Variants in HDHD2 observed in about 807,000 individuals in gnomAD.
The protein encoded by HDHD2 is haloacid dehalogenase-like hydrolase domain-containing protein 2.
Under a neutral mutation model 24.8 loss-of-function variants are expected in HDHD2, and 26 were observed. The observed-to-expected ratio is 1.05, with a 90% confidence interval of 0.77 to 1.45. The LOEUF (loss-of-function observed/expected upper bound fraction) is 1.45. Among genes scored for constraint, HDHD2 ranks in the 40% most tolerant of loss-of-function variants. The pLI is 0.00. For synonymous variants in HDHD2, 128 were observed against 114.9 expected, an observed-to-expected ratio of 1.11 and a Z score of -0.73; for missense variants, 299 against 313.4, an observed-to-expected ratio of 0.95 and a Z score of 0.35.
intron 1 of HDHD2, among the ~76,000 whole-genome samples, chr18:47,142,753 C>A (rs1216963709): frequency 2.0e-5 from 3 of 152,072 alleles, no homozygotes. Context: ...GCTCTCGAAC[C>A]ACCCCTCACC....
intron 4 of HDHD2, among the ~76,000 whole-genome samples, chr18:47,117,432 C>T (rs2063566743): frequency 6.6e-6 from 1 of 152,138 alleles, no homozygotes; most frequent in South Asian, 2.1e-4. Flanking sequence ...GTTTGGCCCC[C>T]TTCCCTCTCT....
At chr18:47,139,464 C>CAAAAAA (rs760347919) in intron 1 of HDHD2, among the ~76,000 whole-genome samples, 1 of 50,480 alleles carries the variant, frequency 2.0e-5, no homozygotes, top group Non-Finnish European at 3.6e-5. Flanking sequence ...GACTCTGTCT[C>CAAAAAA]AAAAAAAAAA....
At position 47,107,602 on chromosome 18, in the gene HDHD2, T is replaced by C. The variant is rs1228074047; in HGVS notation, c.*1080A>G. The C allele has an allele frequency of 6.6e-6, 1 of 152,472 alleles. No homozygotes were observed. The highest frequency in any genetic ancestry group is 1.9e-4 in the East Asian group (1 of 5,202). The allele number at this position is 152,472 out of a possible 1,614,324, so 9.4% of individuals were successfully genotyped here. On this transcript the variant is annotated 3_prime_UTR_variant, in exon 7 of 7. Coordinates refer to ENST00000300605, the MANE Select transcript of HDHD2 (RefSeq NM_032124.5). ...AGAACTATTGCAAGGCCCAGGATTATCACAGTATGCAAATGCACTAGGAAA... is the reference window on the plus strand; with the variant it reads ...AGAACTATTGCAAGGCCCAGGATTACCACAGTATGCAAATGCACTAGGAAA...
chr18:47,130,437 T>C, intron 3 of HDHD2, 109 bp from the exon 4 acceptor site: 1 of 691,358 alleles, frequency 1.4e-6, no homozygotes. Context: ...GTATCCATAA[T>C]TTAAAATTTA....
At chr18:47,123,707 T>TA (rs1487473729) in intron 4 of HDHD2, among the ~76,000 whole-genome samples, 5 of 151,812 alleles carry the variant, frequency 3.3e-5, no homozygotes, top group Admixed American at 2.0e-4. Flanking sequence ...ACAGCAAATG[T>TA]AAAAAAACAA....
chr18:47,145,636 T>G (rs2063862026), intron 1 of HDHD2, among the ~76,000 whole-genome samples: 1 of 152,186 alleles, frequency 6.6e-6, no homozygotes, highest in African/African-American at 2.4e-5. Context: ...CCAAGGAGAT[T>G]AAACAACCAC....
chr18:47,136,251 C>T (rs2063764702), intron 2 of HDHD2, 88 bp downstream of exon 2: 4 of 1,545,702 alleles, frequency 2.6e-6, no homozygotes, highest in African/African-American at 2.7e-5. Context: ...AAAATGCCAT[C>T]TTAAGGCCAT....
At chr18:47,129,004 T>G (rs1476922505) in intron 4 of HDHD2, among the ~76,000 whole-genome samples, 1 of 152,120 alleles carries the variant, frequency 6.6e-6, no homozygotes, top group African/African-American at 2.4e-5. Flanking sequence ...TGGTTTGTTT[T>G]TTTTTTATAG....
In HDHD2 at chr18:47,108,552, C is replaced by A; in HGVS notation, c.*130G>T. 2.0e-6 allele frequency: 1 copy of A among 509,646 alleles called. No individual in the cohort carries two copies. The highest frequency in any genetic ancestry group is 3.7e-5 in the South Asian group (1 of 27,004). 31.6% of individuals were successfully genotyped at this position (509,646 alleles called of 1,614,324 possible). ...TCAATACCTTTCTTTCTAATTAATG[C>A]ACAACAAAAGAGGGTTAAAAAGCGA... On this transcript the variant is annotated 3_prime_UTR_variant, in exon 7 of 7. Transcript: ENST00000300605.
chr18:47,143,364 A>G (rs549892595), intron 1 of HDHD2, among the ~76,000 whole-genome samples: 2 of 152,320 alleles, frequency 1.3e-5, no homozygotes, highest in African/African-American at 4.8e-5. Context: ...GCGTAAGCCC[A>G]GGAGTATGGG....
chr18:47,139,428 G>A (rs1458839308), intron 1 of HDHD2, among the ~76,000 whole-genome samples: 5 of 126,784 alleles, frequency 3.9e-5, no homozygotes, highest in Non-Finnish European at 7.7e-5. Context: ...TCGTGCCACT[G>A]CACTCCAGCC....
rs767180532 is a variant in HDHD2, at chr18:47,134,586, T to A, written c.220A>T (p.Thr74Ser). 1 of 1,614,148 alleles carries A rather than the reference T, an allele frequency of 6.2e-7. No individual in the cohort carries two copies. The highest frequency in any genetic ancestry group is 1.1e-5 in the South Asian group (1 of 91,084). ...AAACTTCTGGCTGCAGTCAGAGATG[T>A]GAATATTTCATCTTCAGAGATATCA... Reference protein sequence around the residue: ...EFDISEDEIFTSLTAARSLLE... With the variant: ...EFDISEDEIFSSLTAARSLLE... The change falls in exon 3 of 7, where the codon ACA (threonine) becomes TCA (serine). Residue 74 changes from threonine (T) to serine (S), a missense_variant. Transcript: ENST00000300605.
chr18:47,111,367 TAAAAAA>T, intron 6 of HDHD2: 1 of 884,364 alleles, frequency 1.1e-6, no homozygotes, highest in Non-Finnish European at 1.3e-6. Flanking sequence ...TTACATGAGC[TAAAAAA>T]AAAAAAAAAG....
At chr18:47,134,182 A>G (rs2063740806) in intron 3 of HDHD2, among the ~76,000 whole-genome samples, 1 of 152,252 alleles carries the variant, frequency 6.6e-6, no homozygotes, top group Admixed American at 6.5e-5. Context: ...GGCTCTAAAC[A>G]GCATCATAAT....
chr18:47,117,364 C>A (rs1599927157), intron 4 of HDHD2, among the ~76,000 whole-genome samples: 1 of 152,192 alleles, frequency 6.6e-6, no homozygotes, highest in South Asian at 2.1e-4. Flanking sequence ...GAGAGCTCCA[C>A]CGTTAATGAA....
At chr18:47,111,626 A>T (rs2063517099) in intron 6 of HDHD2, 1 of 985,236 alleles carries the variant, frequency 1.0e-6, no homozygotes, top group Admixed American at 6.1e-5. Flanking sequence ...ACATTCGAAA[A>T]AATCCACTGT....
chr18:47,128,551 A>G (rs555174058), intron 4 of HDHD2, among the ~76,000 whole-genome samples: 1 of 152,246 alleles, frequency 6.6e-6, no homozygotes, highest in Non-Finnish European at 1.5e-5. Context: ...TTTTAACACC[A>G]TATACACTGA....
At chr18:47,147,544 T>C (rs1160469491) in intron 1 of HDHD2, among the ~76,000 whole-genome samples, 2 of 152,224 alleles carry the variant, frequency 1.3e-5, no homozygotes, top group African/African-American at 2.4e-5. Flanking sequence ...AATCTAAAAT[T>C]GCTTCTCTCA....
chr18:47,144,204 G>C (rs893772438), intron 1 of HDHD2, among the ~76,000 whole-genome samples: 19 of 152,148 alleles, frequency 1.2e-4, no homozygotes, highest in Non-Finnish European at 2.8e-4. Flanking sequence ...GGCTCCAAAC[G>C]TATCTGTCAC....
Sources: allele counts gnomAD v4.1 joint callset (sites outside exome capture counted in the v4.1 genomes callset), GRCh38; gene constraint gnomAD v4.1.1; transcripts MANE v1.5; gene names NCBI Gene and HGNC (gene_info 2026-07-23, HGNC 2026-07-21).